The following KIAA2012 variants were observed in gnomAD, a reference collection of about 807,000 sequenced individuals.
KIAA2012 encodes KIAA2012.
KIAA2012 carries 125 observed loss-of-function variants against 150.6 expected under a neutral mutation model. The ratio of observed to expected loss-of-function variants is 0.83; its 90% confidence interval spans 0.72 to 0.96. The LOEUF (loss-of-function observed/expected upper bound fraction) is 0.96, where lower values mean the gene tolerates loss of function less well. Among genes scored for constraint, KIAA2012 ranks in the 40% least tolerant of loss-of-function variants. The pLI, the probability that KIAA2012 is intolerant of heterozygous loss-of-function variation, is 0.00. For missense variants in KIAA2012, 1,219 were observed against 1,354.9 expected, an observed-to-expected ratio of 0.90 and a Z score of 1.57; for synonymous variants, 462 against 504.7, an observed-to-expected ratio of 0.92 and a Z score of 1.13.
chr2:202,184,290 A>G (rs1018700159), intron 15 of KIAA2012, among the ~76,000 whole-genome samples: 1 of 151,738 alleles, frequency 6.6e-6, no homozygotes, highest in Non-Finnish European at 1.5e-5. Flanking sequence ...AGGCTGAGGT[A>G]GGAGAATCAC....
chr2:202,119,967 G>A (rs974918517), intron 11 of KIAA2012, among the ~76,000 whole-genome samples: 2 of 152,186 alleles, frequency 1.3e-5, no homozygotes, highest in Non-Finnish European at 2.9e-5. Flanking sequence ...TGAGTCTCAA[G>A]AGATCTCATG....
chr2:202,196,563 A>G (rs1208834459), intron 21 of KIAA2012, among the ~76,000 whole-genome samples: 1 of 151,850 alleles, frequency 6.6e-6, no homozygotes, highest in African/African-American at 2.4e-5. Flanking sequence ...ACCACCACAT[A>G]AGCACACCGG....
chr2:202,110,466 G>A (rs1044876353), intron 10 of KIAA2012, among the ~76,000 whole-genome samples: 15 of 152,242 alleles, frequency 9.9e-5, no homozygotes, highest in Non-Finnish European at 2.2e-4. Context: ...AAGGTGCCAC[G>A]CTGGAGACTG....
chr2:202,085,936 G>A (rs553057307), intron 2 of KIAA2012, among the ~76,000 whole-genome samples: 6 of 152,098 alleles, frequency 3.9e-5, no homozygotes, highest in South Asian at 2.1e-4. Context: ...TTGGGAGGCC[G>A]AGGCAGGCGG....
intron 7 of KIAA2012, among the ~76,000 whole-genome samples, chr2:202,101,086 ACT>A (rs1213519736): frequency 6.6e-6 from 1 of 152,118 alleles, no homozygotes; most frequent in African/African-American, 2.4e-5. Flanking sequence ...TCACTCACAC[ACT>A]CTGAGCACAG....
At chr2:202,092,032 T>C (rs1471765112) in intron 3 of KIAA2012, among the ~76,000 whole-genome samples, 2 of 152,204 alleles carry the variant, frequency 1.3e-5, no homozygotes, top group Non-Finnish European at 2.9e-5. Flanking sequence ...GTGTTTCTCA[T>C]TGAGTGGGGC....
At chr2:202,110,042 C>T (rs945743661) in intron 10 of KIAA2012, among the ~76,000 whole-genome samples, 2 of 152,200 alleles carry the variant, frequency 1.3e-5, no homozygotes, top group Non-Finnish European at 2.9e-5. Context: ...CTCCTGGCAG[C>T]AGCATTTGAT....
chr2:202,073,788 C>A, intron 1 of KIAA2012, 77 bp downstream of exon 1: 1 of 1,292,144 alleles, frequency 7.7e-7, no homozygotes, highest in Non-Finnish European at 1.1e-6. Flanking sequence ...GGGAGGTAAA[C>A]CATGTGTGTC....
In KIAA2012 at chr2:202,140,957, G is replaced by C. The variant is rs1033384180; in HGVS notation, c.1908+2449G>C. Reference sequence around the variant, plus strand: ...GATTTGTACTTTTATCACCCTGCTAGCTGAGCGAGGGGAAGACATGTCAAA... The same window carrying C: ...GATTTGTACTTTTATCACCCTGCTACCTGAGCGAGGGGAAGACATGTCAAA... On this transcript the variant is annotated intron_variant, in intron 13 of 23. Transcript: ENST00000498697. Among the ~76,000 whole-genome samples the C allele has an allele frequency of 5.9e-4, 90 of 151,992 alleles. 6 individuals are homozygous for C. The highest frequency in any genetic ancestry group is 4.4e-5 in the Non-Finnish European group (3 of 68,014).
intron 6 of KIAA2012, 58 bp from the exon 7 acceptor site, chr2:202,100,249 A>T (rs181166206): frequency 2.8e-4 from 413 of 1,500,776 alleles, no homozygotes; most frequent in Non-Finnish European, 3.5e-4. Context: ...GTCAAAACTC[A>T]ACTGTTCATC....
intron 12 of KIAA2012, chr2:202,135,990 AT>A (rs199884850): frequency 1.3e-5 from 4 of 315,746 alleles, no homozygotes; most frequent in South Asian, 5.3e-5. Flanking sequence ...GCTGATTCAA[AT>A]TTAAAAAAAA....
intron 3 of KIAA2012, among the ~76,000 whole-genome samples, chr2:202,091,762 C>T (rs1689730376): frequency 6.6e-6 from 1 of 152,202 alleles, no homozygotes; most frequent in South Asian, 2.1e-4. Flanking sequence ...AGAGAATGTG[C>T]CAGTACCCAC....
intron 23 of KIAA2012, among the ~76,000 whole-genome samples, chr2:202,203,011 T>C (rs552900614): frequency 6.6e-6 from 1 of 152,108 alleles, no homozygotes; most frequent in South Asian, 2.1e-4. Flanking sequence ...ACACCTAAGA[T>C]ATTCTCTACT....
intron 10 of KIAA2012, among the ~76,000 whole-genome samples, chr2:202,110,786 C>G (rs1474204960): frequency 6.6e-6 from 1 of 152,286 alleles, no homozygotes; most frequent in East Asian, 1.9e-4. Context: ...CTGTCTCCCC[C>G]ACTGCCCAGC....
chr2:202,097,284 T>C, intron 4 of KIAA2012, 151 bp from the exon 5 acceptor site: 1 of 1,300,744 alleles, frequency 7.7e-7, no homozygotes, highest in Non-Finnish European at 1.0e-6. Flanking sequence ...GAGGAGGCAC[T>C]ATCAGAAATA....
chr2:202,186,995 C>T lies in KIAA2012; in HGVS notation c.2273C>T (p.Pro758Leu), dbSNP rs549327549. The T allele has an allele frequency of 1.7e-4, 271 of 1,550,434 alleles. 1 individual carries two copies. The highest frequency in any genetic ancestry group is 2.4e-4 in the Admixed American group (12 of 50,964). The change falls in exon 17 of 24, where the codon CCC becomes CTC. Residue 758 changes from proline (P) to leucine (L), a missense_variant. Coordinates refer to ENST00000498697, the MANE Select transcript of KIAA2012 (RefSeq NM_001277372.4). ...RGLLGYGPES[P>L]ERLSAVYTSL... Reference sequence around the variant, plus strand: ...CTTCTGGGATACGGGCCTGAGTCACCCGAGAGGTTGAGTGCTGTGTATACA... The same window carrying T: ...CTTCTGGGATACGGGCCTGAGTCACTCGAGAGGTTGAGTGCTGTGTATACA...
intron 11 of KIAA2012, among the ~76,000 whole-genome samples, chr2:202,119,230 C>T (rs1690601899): frequency 6.6e-6 from 1 of 151,638 alleles, no homozygotes; most frequent in African/African-American, 2.4e-5. Context: ...CAAGATAGTG[C>T]CATTGCACTC....
At chr2:202,106,711 T>A (rs987408186) in intron 9 of KIAA2012, among the ~76,000 whole-genome samples, 22 of 151,918 alleles carry the variant, frequency 1.4e-4, no homozygotes, top group South Asian at 1.2e-3. Flanking sequence ...AAATTTTTTT[T>A]AAAAAGTCCA....
chr2:202,076,962 A>G (rs775718464), intron 2 of KIAA2012: 2 of 456,788 alleles, frequency 4.4e-6, no homozygotes, highest in South Asian at 3.1e-5. Flanking sequence ...CGCTGGAAAG[A>G]GATTGGAGAG....
Sources: allele counts gnomAD v4.1 joint callset (sites outside exome capture counted in the v4.1 genomes callset), GRCh38; gene constraint gnomAD v4.1.1; transcripts MANE v1.5; gene names NCBI Gene and HGNC (gene_info 2026-07-23, HGNC 2026-07-21).